Variants in FAM76A observed in about 807,000 individuals in gnomAD.
FAM76A encodes protein FAM76A.
FAM76A carries 32 observed loss-of-function variants against 46.2 expected under a neutral mutation model. The ratio of observed to expected loss-of-function variants is 0.69; its 90% CI spans 0.52 to 0.93. FAM76A has a LOEUF of 0.93. FAM76A is among the 40% of genes least tolerant of loss of function. The probability of loss-of-function intolerance (pLI) is 0.00; values close to 1 mark genes in which losing one functional copy is unlikely to be tolerated. For synonymous variants in FAM76A, 137 were observed against 127.0 expected (o/e 1.08, Z -0.53); for missense variants, 274 against 361.5 (o/e 0.76, Z 1.96).
In FAM76A at chr1:27,727,509, A is replaced by C; in HGVS notation, c.119A>C (p.Tyr40Ser). The change falls in exon 2 of 9, where the codon TAC becomes TCC. Residue 40 changes from tyrosine to serine, a missense_variant. Physicochemically the swap from Tyr to Ser is moderately radical, Grantham distance 144. Transcript: ENST00000373954. ...GCACACCCTGTTGTGAAGTGCACCT[A>C]CTGCAGGACTGAGTACCAGCAGGAG... is the stretch of plus-strand genomic sequence containing the variant. ...RIAHPVVKCT[Y>S]CRTEYQQESK... 1 of 1,613,782 alleles carries C rather than the reference A, an allele frequency of 6.2e-7. No individual in the cohort carries two copies. The highest frequency in any genetic ancestry group is 8.5e-7 in the Non-Finnish European group (1 of 1,179,724).
chr1:27,748,965 A>G, intron 5 of FAM76A, 103 bp from the exon 6 acceptor site: 1 of 676,850 alleles, frequency 1.5e-6, no homozygotes, highest in South Asian at 2.3e-5. Flanking sequence ...TCTTGCATAG[A>G]AGAGCTGCTG....
chr1:27,736,200 T>C (rs2088041323), intron 4 of FAM76A, among the ~76,000 whole-genome samples: 1 of 152,098 alleles, frequency 6.6e-6, no homozygotes, highest in Admixed American at 6.5e-5. Flanking sequence ...CGCACACCTG[T>C]AATCCCAGCT....
chr1:27,748,148 C>T (rs143158340), intron 5 of FAM76A, among the ~76,000 whole-genome samples: 4,451 of 104,470 alleles, frequency 0.043, 270 homozygotes, highest in African/African-American at 0.16. Flanking sequence ...TTTTTTGAGA[C>T]GGAGTCTTGC....
chr1:27,744,737 G>A lies in FAM76A; in HGVS notation c.438G>A (p.Leu146=), dbSNP rs777962024. Residue 146 remains leucine, a synonymous_variant, in exon 5 of 9, where the codon CTG becomes CTA. Coordinates refer to ENST00000373954, the MANE Select transcript of FAM76A (RefSeq NM_152660.3). ...LQKTKEQRKH[L]SSSSRAGHQE... ...AGACCAAAGAGCAGAGGAAACACCT[G>A]AGTAGCTCTTCTCGTGCTGGCCACC... 1 of 1,614,142 alleles carries A rather than the reference G, an allele frequency of 6.2e-7. No individual in the cohort carries two copies. The highest frequency in any genetic ancestry group is 8.5e-7 in the Non-Finnish European group (1 of 1,180,022).
At chr1:27,729,263 A>G (rs1438937158) in intron 2 of FAM76A, among the ~76,000 whole-genome samples, 3 of 151,240 alleles carry the variant, frequency 2.0e-5, no homozygotes, top group Non-Finnish European at 4.4e-5. Flanking sequence ...GCTGGAGTGC[A>G]GTGAGATGAT....
At chr1:27,731,438 T>C (rs555932201) in intron 2 of FAM76A, among the ~76,000 whole-genome samples, 15 of 151,776 alleles carry the variant, frequency 9.9e-5, no homozygotes, top group Admixed American at 9.2e-4. Context: ...ACTCCTGACC[T>C]CAGGTGATCT....
intron 6 of FAM76A, among the ~76,000 whole-genome samples, chr1:27,752,865 G>A (rs891698106): frequency 2.0e-5 from 3 of 152,138 alleles, no homozygotes; most frequent in Non-Finnish European, 4.4e-5. Flanking sequence ...CCAGGAATTA[G>A]AGAGTTAGTG....
chr1:27,751,308 A>G (rs2088327874), intron 6 of FAM76A, among the ~76,000 whole-genome samples: 2 of 152,134 alleles, frequency 1.3e-5, no homozygotes, highest in Admixed American at 6.6e-5. Context: ...TTAACATTCT[A>G]TTCTACTTGT....
chr1:27,726,822 T>A (rs1373075955), intron 1 of FAM76A, among the ~76,000 whole-genome samples: 2 of 152,186 alleles, frequency 1.3e-5, no homozygotes, highest in African/African-American at 4.8e-5. Context: ...CCAACTTCTC[T>A]TTTTCTTTTA....
In FAM76A at chr1:27,725,993, C is replaced by A; in HGVS notation, c.-88C>A. On this transcript the variant is annotated 5_prime_UTR_variant, in exon 1 of 9. Transcript: ENST00000373954. ...CCCGCCCGCCTGCCGCAGCCAGCAG[C>A]CTGCAGCCGCCGCCGGGTTGTGCCT... The A allele has an allele frequency of 1.8e-6, 2 of 1,083,518 alleles. No homozygotes were observed. Among genetic ancestry groups the A allele is most frequent in the Non-Finnish European group, 2.3e-6 (2 of 856,846 alleles). 67.1% of individuals were successfully genotyped at this position (1,083,518 alleles called of 1,614,324 possible).
At chr1:27,728,633 G>T (rs1041858532) in intron 2 of FAM76A, among the ~76,000 whole-genome samples, 1 of 152,134 alleles carries the variant, frequency 6.6e-6, no homozygotes, top group Non-Finnish European at 1.5e-5. Flanking sequence ...AATTACAGGC[G>T]TGAGCCACCA....
chr1:27,734,727 T>C (rs1224827164), intron 4 of FAM76A, among the ~76,000 whole-genome samples: 2 of 152,180 alleles, frequency 1.3e-5, no homozygotes, highest in Non-Finnish European at 2.9e-5. Context: ...AGTGAAATGG[T>C]GATTGGCAGA....
In FAM76A at chr1:27,737,853, A is replaced by AAAC. The variant is rs201341659; in HGVS notation, c.354+3685_354+3687dup. ...GGTAACAGAGTGAGACTCCATCTCAAAACAACAACAACAACAAAAAAAAAA... is the reference window on the plus strand; with the variant it reads ...GGTAACAGAGTGAGACTCCATCTCAAAACAACAACAACAACAACAAAAAAAAAA... On this transcript the variant is annotated intron_variant, in intron 4 of 8. Transcript: ENST00000373954. Among the ~76,000 whole-genome samples the AAAC allele has an allele frequency of 5.5e-4, 72 of 131,210 alleles. 1 individual carries two copies. Among genetic ancestry groups the AAAC allele is most frequent in the East Asian group, 1.8e-3 (7 of 3,870 alleles). 86.1% of individuals were successfully genotyped at this position (131,210 alleles called of 152,430 possible). A position where few individuals can be genotyped will look rare whatever the true frequency, so the allele number is the denominator to read the frequency against.
At chr1:27,739,932 C>T (rs892685755) in intron 4 of FAM76A, 1 of 224,614 alleles carries the variant, frequency 4.5e-6, no homozygotes, top group Non-Finnish European at 8.9e-6. Context: ...CATAGGGTAA[C>T]TTACCCTTGG....
At chr1:27,731,724 TATA>T (rs1222810384) in intron 2 of FAM76A, among the ~76,000 whole-genome samples, 38 of 152,176 alleles carry the variant, frequency 2.5e-4, no homozygotes, top group African/African-American at 9.2e-4. Flanking sequence ...TCCATTTTAG[TATA>T]ATATTTTGAG....
At chr1:27,744,958 A>G in intron 5 of FAM76A, 147 bp downstream of exon 5, 1 of 712,668 alleles carries the variant, frequency 1.4e-6, no homozygotes, top group Admixed American at 3.2e-5. Flanking sequence ...CTCATTTGTC[A>G]TATTTTATAG....
intron 4 of FAM76A, among the ~76,000 whole-genome samples, chr1:27,734,543 T>C (rs2088013660): frequency 6.6e-6 from 1 of 152,126 alleles, no homozygotes; most frequent in Admixed American, 6.6e-5. Flanking sequence ...CAAGACTCTA[T>C]CTCAAAACAA....
intron 3 of FAM76A, among the ~76,000 whole-genome samples, chr1:27,733,693 A>C (rs1196999116): frequency 1.3e-5 from 2 of 152,012 alleles, no homozygotes; most frequent in Non-Finnish European, 2.9e-5. Flanking sequence ...AGGAAATAAT[A>C]CAAAAATTAG....
At chr1:27,740,216 C>T (rs2088128490) in intron 4 of FAM76A, 3 of 646,936 alleles carry the variant, frequency 4.6e-6, no homozygotes, top group African/African-American at 1.8e-5. Context: ...CCAGTCAGTA[C>T]ACCTTTCATC....
Sources: gnomAD v4.1 joint callset for allele counts (sites outside exome capture counted in the v4.1 genomes callset) on GRCh38, gnomAD v4.1.1 for gene constraint, MANE v1.5 for transcripts, NCBI Gene and HGNC (gene_info 2026-07-23, HGNC 2026-07-21) for gene names.